The following EPRS1 variants were observed in gnomAD, a reference collection of about 807,000 sequenced individuals.
EPRS1 encodes the protein glutamyl-prolyl-tRNA synthetase 1.
A neutral mutation model predicts 188.3 loss-of-function variants in EPRS1; 107 were observed. The ratio of observed to expected loss-of-function variants is 0.57; its 90% CI spans 0.49 to 0.67. The LOEUF is 0.67. Ranked by LOEUF, EPRS1 falls within the 30% of genes least tolerant of loss-of-function variation. EPRS1 has a pLI of 0.00. For synonymous variants in EPRS1, 596 were observed against 593.1 expected (o/e 1.00, Z -0.07); for missense variants, 1,577 against 1,802.2 (o/e 0.88, Z 2.26).
At chr1:219,973,672 T>C (rs1660715729) in intron 28 of EPRS1, among the ~76,000 whole-genome samples, 1 of 152,090 alleles carries the variant, frequency 6.6e-6, no homozygotes, top group African/African-American at 2.4e-5. Flanking sequence ...ATTCCCAACT[T>C]TTCTCACAAA....
At chr1:220,014,368 G>A (rs907850155) in intron 12 of EPRS1, among the ~76,000 whole-genome samples, 80 of 151,846 alleles carry the variant, frequency 5.3e-4, no homozygotes, top group African/African-American at 1.8e-3. Context: ...AATTCTGGAA[G>A]CTGAAAAACA....
At chr1:220,004,346 T>C (rs1411583664) in intron 16 of EPRS1, among the ~76,000 whole-genome samples, 1 of 152,132 alleles carries the variant, frequency 6.6e-6, no homozygotes. Context: ...CTAATAGAGA[T>C]TTTTTAACAG....
intron 12 of EPRS1, among the ~76,000 whole-genome samples, chr1:220,015,094 A>G (rs10779396): frequency 0.81 from 122,849 of 152,196 alleles, 49,723 homozygotes; most frequent in East Asian, 0.93. Flanking sequence ...AACACGAAAC[A>G]AGAGTACCAG....
In EPRS1 at chr1:220,040,170, G is replaced by A. The variant is rs1662265048; in HGVS notation, c.131+15C>T. On this transcript the variant is annotated intron_variant, in intron 2 of 31. Coordinates refer to ENST00000366923, the MANE Select transcript of EPRS1 (RefSeq NM_004446.3). Reference sequence around the variant, plus strand: ...AGCCAATCAGTACTGAAAATAAAAAGATGAAAACACTTACTCAGAAACATG... The same window carrying A: ...AGCCAATCAGTACTGAAAATAAAAAAATGAAAACACTTACTCAGAAACATG... 6 of 1,531,572 alleles carry A rather than the reference G, an allele frequency of 3.9e-6. No homozygotes were observed. Among genetic ancestry groups the A allele is most frequent in the Non-Finnish European group, 5.4e-6 (6 of 1,116,070 alleles). 94.9% of individuals were successfully genotyped at this position (1,531,572 alleles called of 1,614,324 possible).
intron 3 of EPRS1, 22 bp from the exon 4 acceptor site, chr1:220,033,680 A>T: frequency 6.4e-7 from 1 of 1,560,282 alleles, no homozygotes; most frequent in South Asian, 1.2e-5. Flanking sequence ...AAAGACAGAA[A>T]AGAAATGCAT....
Position 220,046,360 on chromosome 1 carries a change from G to A in EPRS1, c.29C>T (p.Ser10Leu), listed in dbSNP as rs1662402633. The A allele has an allele frequency of 1.2e-6, 2 of 1,614,092 alleles. No individual in the cohort carries two copies. The highest frequency in any genetic ancestry group is 1.3e-5 in the African/African-American group (1 of 75,066). Residue 10 changes from serine to leucine, a missense_variant, in exon 1 of 32, where the codon TCA becomes TTA. By Grantham distance (145) the Ser-to-Leu change is moderately radical. Around this residue, in one of 3 missense-constraint regions of EPRS1, gnomAD observed 1,278 missense variants for 1,457.4 expected, o/e 0.88. Coordinates refer to ENST00000366923, the MANE Select transcript of EPRS1 (RefSeq NM_004446.3). MATLSLTVNSGDPPLGALLA... is the reference protein window; with the variant it reads MATLSLTVNLGDPPLGALLA... ...CCCCTTACCTAGCGGAGGGTCTCCT[G>A]AATTCACGGTCAGAGAGAGCGTCGC... is the stretch of plus-strand genomic sequence containing the variant.
intron 2 of EPRS1, among the ~76,000 whole-genome samples, chr1:220,038,777 G>A (rs1347904363): frequency 6.6e-6 from 1 of 152,114 alleles, no homozygotes. Context: ...AGTGGGCGCA[G>A]GGAGGTGAGG....
At chr1:219,981,677 T>G (rs760979703) in intron 23 of EPRS1, among the ~76,000 whole-genome samples, 1 of 152,260 alleles carries the variant, frequency 6.6e-6, no homozygotes, top group African/African-American at 2.4e-5. Flanking sequence ...AAATCTAAAC[T>G]TGATCATATT....
At chr1:219,994,394 G>A (rs1454849337) in intron 18 of EPRS1, among the ~76,000 whole-genome samples, 1 of 151,992 alleles carries the variant, frequency 6.6e-6, no homozygotes, top group Non-Finnish European at 1.5e-5. Context: ...AGAATAAATG[G>A]GTAAATAATT....
chr1:220,022,751 A>G (rs1416873267), intron 8 of EPRS1, among the ~76,000 whole-genome samples: 1 of 152,254 alleles, frequency 6.6e-6, no homozygotes, highest in African/African-American at 2.4e-5. Context: ...AAAAGGTAAC[A>G]TCAATACATT....
intron 28 of EPRS1, 100 bp from the exon 29 acceptor site, chr1:219,973,498 CA>C (rs1404569573): frequency 1.4e-6 from 1 of 705,536 alleles, no homozygotes; most frequent in Non-Finnish European, 2.0e-6. Flanking sequence ...ATAAAAAACC[CA>C]AAAAACAAAG....
intron 28 of EPRS1, among the ~76,000 whole-genome samples, chr1:219,976,831 C>T (rs527290942): frequency 6.6e-6 from 1 of 152,238 alleles, no homozygotes; most frequent in South Asian, 2.1e-4. Context: ...CAGTTTTTTT[C>T]TAAAACTAGT....
At chr1:220,018,908 A>G in intron 11 of EPRS1, 87 bp downstream of exon 11, 1 of 891,798 alleles carries the variant, frequency 1.1e-6, no homozygotes, top group Non-Finnish European at 1.8e-6. Flanking sequence ...AATAGAAAGA[A>G]CAACAGAGAT....
In EPRS1 at chr1:220,046,381, G is replaced by A; in HGVS notation, c.8C>T (p.Thr3Met). The change falls in exon 1 of 32, where the codon ACG becomes ATG. Residue 3 changes from threonine (T) to methionine (M), a missense_variant. By Grantham distance (81) the Thr-to-Met change is moderately conservative (BLOSUM62 -1). This residue lies in a region of EPRS1 where 1,278 missense variants were observed against 1,457.4 expected (regional missense o/e 0.88). Transcript: ENST00000366923. Reference protein sequence around the residue: MATLSLTVNSGDP... With the variant: MAMLSLTVNSGDP... Reference sequence around the variant, plus strand: ...TCCTGAATTCACGGTCAGAGAGAGCGTCGCCATCTCCACCAGTCCGCTGGT... The same window carrying A: ...TCCTGAATTCACGGTCAGAGAGAGCATCGCCATCTCCACCAGTCCGCTGGT... The A allele has an allele frequency of 6.2e-7, 1 of 1,614,110 alleles. No individual in the cohort carries two copies. The highest frequency in any genetic ancestry group is 8.5e-7 in the Non-Finnish European group (1 of 1,180,010).
chr1:220,031,090 C>CA (rs11286771), intron 5 of EPRS1, among the ~76,000 whole-genome samples: 17 of 131,258 alleles, frequency 1.3e-4, no homozygotes, highest in Middle Eastern at 3.8e-3. Flanking sequence ...AACTCTGTCT[C>CA]AAAAAAAAAA....
intron 19 of EPRS1, among the ~76,000 whole-genome samples, chr1:219,987,616 T>G (rs1184382726): frequency 6.6e-6 from 1 of 151,900 alleles, no homozygotes; most frequent in Non-Finnish European, 1.5e-5. Flanking sequence ...CAAAAGGATC[T>G]GTCCAAAGTT....
intron 16 of EPRS1, among the ~76,000 whole-genome samples, chr1:220,005,002 A>G (rs1661431098): frequency 1.3e-5 from 2 of 152,204 alleles, no homozygotes; most frequent in Admixed American, 1.3e-4. Context: ...GGGCTACAGG[A>G]AAGTTAATTA....
chr1:219,981,408 G>A lies in EPRS1; in HGVS notation c.3423C>T (p.Pro1141=). ...AKWVQSHRDL[P]IKLNQWCNVV... is the part of the protein sequence containing the mutation. ...CATTGCACCACTGATTGAGCTTGAT[G>A]GGCAGGTCTCTGTGTGACTGTACCC... Residue 1141 remains proline, a synonymous_variant, in exon 24 of 32, where the codon CCC becomes CCT. Coordinates refer to ENST00000366923, the MANE Select transcript of EPRS1 (RefSeq NM_004446.3). The A allele has an allele frequency of 1.9e-6, 3 of 1,609,206 alleles. No individual in the cohort carries two copies. Among genetic ancestry groups the A allele is most frequent in the Admixed American group, 1.7e-5 (1 of 59,886 alleles).
chr1:220,022,628 G>T, intron 8 of EPRS1, 110 bp from the exon 9 acceptor site: 1 of 884,584 alleles, frequency 1.1e-6, no homozygotes, highest in East Asian at 2.5e-5. Flanking sequence ...TAACCACCCT[G>T]TGTTAGTTTA....
Sources: gnomAD v4.1 joint callset for allele counts (sites outside exome capture counted in the v4.1 genomes callset) on GRCh38, gnomAD v4.1.1 for gene constraint, gnomAD v4.1.1 regional missense constraint, MANE v1.5 for transcripts, NCBI Gene and HGNC (gene_info 2026-07-23, HGNC 2026-07-21) for gene names.